Variants in RBFOX1 observed in about 807,000 individuals in gnomAD.
RBFOX1 encodes RNA binding protein fox-1 homolog 1.
Under a neutral mutation model 57.7 loss-of-function variants are expected in RBFOX1, and 8 were observed. The observed-to-expected ratio is 0.14, with a 90% confidence interval of 0.08 to 0.25. RBFOX1 has a LOEUF of 0.25. RBFOX1 is among the 10% of genes least tolerant of loss of function. The pLI is 1.00. For synonymous variants in RBFOX1, 326 were observed against 222.4 expected, an observed-to-expected ratio of 1.47 and a Z score of -4.15; for missense variants, 611 against 548.5, an observed-to-expected ratio of 1.11 and a Z score of -1.14.
chr16:5,762,596 T>C (rs1237397663), intron 3 of RBFOX1, among the ~76,000 whole-genome samples: 1 of 152,212 alleles, frequency 6.6e-6, no homozygotes, highest in Non-Finnish European at 1.5e-5. Flanking sequence ...GTTCGCAAAC[T>C]TAGCCGCAGA....
rs150767345 is a variant in RBFOX1, at chr16:6,228,263, C to T, written c.-126-88732C>T. Among the ~76,000 whole-genome samples the T allele has an allele frequency of 2.0e-3, 298 of 152,122 alleles. 2 individuals carry two copies. The highest frequency in any genetic ancestry group is 6.5e-3 in the African/African-American group (271 of 41,488). Reference sequence around the variant, plus strand: ...GCTTGAACCTGGGAGGCAGAGGTTGCGGTGAGCTGAGATCATGCCACTGCC... The same window carrying T: ...GCTTGAACCTGGGAGGCAGAGGTTGTGGTGAGCTGAGATCATGCCACTGCC... On this transcript the variant is annotated intron_variant, in intron 1 of 15. Coordinates refer to ENST00000550418, the MANE Select transcript of RBFOX1 (RefSeq NM_018723.4).
intron 1 of RBFOX1, among the ~76,000 whole-genome samples, chr16:5,396,827 A>G (rs2066572552): frequency 6.6e-6 from 1 of 152,204 alleles, no homozygotes; most frequent in South Asian, 2.1e-4. Flanking sequence ...GAGAGAGTAG[A>G]TTGATTTCTT....
intron 1 of RBFOX1, among the ~76,000 whole-genome samples, chr16:5,384,908 G>A (rs1046431768): frequency 1.3e-5 from 2 of 152,256 alleles, no homozygotes; most frequent in African/African-American, 4.8e-5. Flanking sequence ...TGTGTATAAA[G>A]CACCCAGAAC....
chr16:5,434,746 C>A (rs2067864902), intron 1 of RBFOX1, among the ~76,000 whole-genome samples: 1 of 152,124 alleles, frequency 6.6e-6, no homozygotes, highest in South Asian at 2.1e-4. Flanking sequence ...TTTGCAATAC[C>A]TTGTCCTTTG....
chr16:5,478,348 G>A (rs1355363452), intron 2 of RBFOX1, among the ~76,000 whole-genome samples: 1 of 152,122 alleles, frequency 6.6e-6, no homozygotes, highest in Admixed American at 6.5e-5. Flanking sequence ...TGCTTCTGGA[G>A]GGGGAGTTCC....
At chr16:7,626,531 G>T (rs1596770884) in intron 10 of RBFOX1, among the ~76,000 whole-genome samples, 1 of 152,180 alleles carries the variant, frequency 6.6e-6, no homozygotes, top group African/African-American at 2.4e-5. Context: ...TGAGATTGAG[G>T]TCTGTCCCAT....
intron 3 of RBFOX1, among the ~76,000 whole-genome samples, chr16:6,701,568 A>G (rs1368415277): frequency 6.6e-6 from 1 of 152,116 alleles, no homozygotes; most frequent in Non-Finnish European, 1.5e-5. Flanking sequence ...GTGGAAGGTG[A>G]AGGGGGAGCA....
intron 3 of RBFOX1, among the ~76,000 whole-genome samples, chr16:6,706,147 T>A (rs1424094521): frequency 6.6e-6 from 1 of 152,178 alleles, no homozygotes; most frequent in Non-Finnish European, 1.5e-5. Flanking sequence ...CTTTGTTGTG[T>A]CAGGGTTTGT....
intron 1 of RBFOX1, among the ~76,000 whole-genome samples, chr16:5,358,627 C>T (rs1596647214): frequency 6.6e-6 from 1 of 152,256 alleles, no homozygotes; most frequent in South Asian, 2.1e-4. Flanking sequence ...AGTTTGAGAC[C>T]AGCCTGAATA....
At chr16:6,615,534 C>G (rs2098129511) in intron 2 of RBFOX1, among the ~76,000 whole-genome samples, 1 of 151,674 alleles carries the variant, frequency 6.6e-6, no homozygotes, top group Non-Finnish European at 1.5e-5. Flanking sequence ...CGCACCACAT[C>G]TCTCCATCCT....
chr16:7,145,454 C>T (rs1419714249), intron 4 of RBFOX1, among the ~76,000 whole-genome samples: 1 of 152,132 alleles, frequency 6.6e-6, no homozygotes, highest in Non-Finnish European at 1.5e-5. Context: ...TGATCCACCT[C>T]CCTCGGCCTC....
chr16:7,138,615 A>T (rs1285284168), intron 4 of RBFOX1, among the ~76,000 whole-genome samples: 4 of 152,134 alleles, frequency 2.6e-5, no homozygotes, highest in Non-Finnish European at 4.4e-5. Context: ...ACCCCCCATT[A>T]TGCAAAAGAT....
At chr16:6,575,968 G>T (rs958747202) in intron 2 of RBFOX1, among the ~76,000 whole-genome samples, 1 of 151,964 alleles carries the variant, frequency 6.6e-6, no homozygotes, top group Non-Finnish European at 1.5e-5. Context: ...TAGGCATGGT[G>T]CGTTACATCA....
intron 10 of RBFOX1, among the ~76,000 whole-genome samples, chr16:7,617,342 T>G (rs557759254): frequency 6.6e-6 from 1 of 152,308 alleles, no homozygotes; most frequent in African/African-American, 2.4e-5. Context: ...AATTTAGATT[T>G]TATACAATTT....
chr16:6,844,871 A>T (rs1357847185), intron 3 of RBFOX1, among the ~76,000 whole-genome samples: 2 of 152,046 alleles, frequency 1.3e-5, no homozygotes, highest in Non-Finnish European at 2.9e-5. Context: ...TTTATTAGTA[A>T]CCATTCTGAC....
chr16:5,286,402 G>A (rs1465696070), intron 1 of RBFOX1, among the ~76,000 whole-genome samples: 1 of 152,134 alleles, frequency 6.6e-6, no homozygotes, highest in African/African-American at 2.4e-5. Context: ...CGTTTCCTCA[G>A]GCCTCTCAGT....
intron 3 of RBFOX1, among the ~76,000 whole-genome samples, chr16:6,908,478 C>G (rs902948985): frequency 6.6e-6 from 1 of 152,146 alleles, no homozygotes; most frequent in Non-Finnish European, 1.5e-5. Context: ...CCCAGCATGC[C>G]CAATCCTCTA....
intron 2 of RBFOX1, among the ~76,000 whole-genome samples, chr16:6,361,645 A>G (rs918720376): frequency 6.6e-6 from 1 of 151,508 alleles, no homozygotes; most frequent in Non-Finnish European, 1.5e-5. Context: ...AAAAAAAAAA[A>G]TCATGGTCAA....
chr16:6,605,336 C>T (rs2097911636), intron 2 of RBFOX1, among the ~76,000 whole-genome samples: 2 of 152,150 alleles, frequency 1.3e-5, no homozygotes, highest in Admixed American at 1.3e-4. Flanking sequence ...TTAGCTTTTA[C>T]AGGTAGCTGT....
Sources: allele counts gnomAD v4.1 joint callset (sites outside exome capture counted in the v4.1 genomes callset), GRCh38; gene constraint gnomAD v4.1.1; transcripts MANE v1.5; gene names NCBI Gene and HGNC (gene_info 2026-07-23, HGNC 2026-07-21).